The following AFG2A variants were observed in gnomAD, a reference collection of about 807,000 sequenced individuals.
AFG2A encodes the protein AAA ATPase AFG2A.
chr4:123,112,374 A>T, the AFG2A span, among the ~76,000 whole-genome samples: 2 of 152,186 alleles, frequency 1.3e-5, no homozygotes, highest in African/African-American at 4.8e-5. Flanking sequence ...TTGGGATTAA[A>T]ATTCAAGCAG....
the AFG2A span, among the ~76,000 whole-genome samples, chr4:123,205,444 T>A: frequency 6.6e-6 from 1 of 151,604 alleles, no homozygotes; most frequent in Non-Finnish European, 1.5e-5. Context: ...CAAAAAAATT[T>A]TTAAGAAAAA....
At chr4:123,063,037 C>T in the AFG2A span, among the ~76,000 whole-genome samples, 4 of 152,160 alleles carry the variant, frequency 2.6e-5, no homozygotes, top group Non-Finnish European at 5.9e-5. Flanking sequence ...CATAAAGTGA[C>T]TTTCTGTTTT....
chr4:123,122,303 TCA>T, the AFG2A span, among the ~76,000 whole-genome samples: 6 of 152,218 alleles, frequency 3.9e-5, no homozygotes, highest in Non-Finnish European at 5.9e-5. Flanking sequence ...GTTGAAAATA[TCA>T]TAAGTCAAAA....
At chr4:123,002,899 T>C in the AFG2A span, among the ~76,000 whole-genome samples, 5 of 152,200 alleles carry the variant, frequency 3.3e-5, no homozygotes, top group Admixed American at 3.3e-4. Flanking sequence ...CTGCAGAGTG[T>C]TTTCCAACTT....
At chr4:123,185,130 G>A in the AFG2A span, among the ~76,000 whole-genome samples, 114 of 152,252 alleles carry the variant, frequency 7.5e-4, 1 homozygote, top group African/African-American at 2.5e-3. Context: ...GAAGTTGGTT[G>A]ATGGCTCTTT....
the AFG2A span, among the ~76,000 whole-genome samples, chr4:123,309,586 C>A: frequency 1.4e-4 from 22 of 152,100 alleles, 1 homozygote; most frequent in Non-Finnish European, 2.9e-5. Context: ...TCATTAGTAG[C>A]CTTTGTAAAA....
At chr4:123,272,298 T>G in the AFG2A span, among the ~76,000 whole-genome samples, 3 of 152,226 alleles carry the variant, frequency 2.0e-5, no homozygotes, top group South Asian at 6.2e-4. Flanking sequence ...CCCTCCTTAC[T>G]AAATGTACAC....
chr4:122,997,144 TG>T, the AFG2A span, among the ~76,000 whole-genome samples: 1 of 152,208 alleles, frequency 6.6e-6, no homozygotes, highest in Non-Finnish European at 1.5e-5. Flanking sequence ...ATGTTTTTGT[TG>T]GGTAACAGCT....
the AFG2A span, among the ~76,000 whole-genome samples, chr4:123,216,093 C>T: frequency 6.6e-6 from 1 of 152,086 alleles, no homozygotes; most frequent in African/African-American, 2.4e-5. Context: ...GTATTATAGA[C>T]ATTGAGGTCC....
chr4:123,295,937 A>G, the AFG2A span, among the ~76,000 whole-genome samples: 1 of 152,234 alleles, frequency 6.6e-6, no homozygotes, highest in Non-Finnish European at 1.5e-5. Context: ...TAAAGCAGAG[A>G]AAAGCGTGAA....
chr4:122,953,987 T>C, the AFG2A span, among the ~76,000 whole-genome samples: 1 of 152,218 alleles, frequency 6.6e-6, no homozygotes, highest in Non-Finnish European at 1.5e-5. Flanking sequence ...AAGCTCTTTG[T>C]TGGACCTTGG....
chr4:123,099,993 A>G, the AFG2A span, among the ~76,000 whole-genome samples: 2 of 151,890 alleles, frequency 1.3e-5, no homozygotes, highest in African/African-American at 4.8e-5. Context: ...GAATTGAAGT[A>G]TGTTTAATAT....
the AFG2A span, among the ~76,000 whole-genome samples, chr4:123,106,776 C>T: frequency 6.6e-6 from 1 of 152,252 alleles, no homozygotes; most frequent in Admixed American, 6.5e-5. Context: ...ACTGCTCGCA[C>T]CCACTGAGCT....
the AFG2A span, chr4:122,934,550 C>G: frequency 6.2e-7 from 1 of 1,613,892 alleles, no homozygotes; most frequent in Non-Finnish European, 8.5e-7. Context: ...AAGTGCAATA[C>G]TGATACTTTT....
At chr4:122,969,390 G>A in the AFG2A span, among the ~76,000 whole-genome samples, 1 of 151,838 alleles carries the variant, frequency 6.6e-6, no homozygotes, top group Non-Finnish European at 1.5e-5. Context: ...ATAAATCAAG[G>A]GTTTGTGTTC....
chr4:123,177,441 G>A, the AFG2A span, among the ~76,000 whole-genome samples: 1 of 151,972 alleles, frequency 6.6e-6, no homozygotes, highest in Non-Finnish European at 1.5e-5. Context: ...TCCACCCAAA[G>A]TGCTCTGATT....
chr4:123,206,151 C>T, the AFG2A span, among the ~76,000 whole-genome samples: 1,694 of 152,218 alleles, frequency 0.011, 32 homozygotes, highest in African/African-American at 0.038. Context: ...AATGTCTACA[C>T]ATGATCAGAC....
the AFG2A span, among the ~76,000 whole-genome samples, chr4:123,160,699 CTTTCTT>C: frequency 4.1e-4 from 62 of 152,252 alleles, no homozygotes; most frequent in African/African-American, 1.5e-3. Context: ...GCAGTTACCT[CTTTCTT>C]TTTCTTTTGT....
the AFG2A span, among the ~76,000 whole-genome samples, chr4:122,991,526 G>A: frequency 6.6e-6 from 1 of 152,146 alleles, no homozygotes; most frequent in Non-Finnish European, 1.5e-5. Context: ...AGAACTGTCA[G>A]AAATAATATA....
Sources: gnomAD v4.1 joint callset for allele counts (sites outside exome capture counted in the v4.1 genomes callset) on GRCh38, gnomAD v4.1.1 for gene constraint, MANE v1.5 for transcripts, NCBI Gene and HGNC (gene_info 2026-07-23, HGNC 2026-07-21) for gene names.